TEX36: variants seen among roughly 807,000 people sequenced by gnomAD.
The protein encoded by TEX36 is testis-expressed protein 36.
Under a neutral mutation model 13.6 loss-of-function variants are expected in TEX36, and 12 were observed. The observed-to-expected ratio is 0.88, with a 90% CI of 0.56 to 1.43. The LOEUF is 1.43. Ranked by LOEUF, TEX36 falls within the 40% of genes most tolerant of loss-of-function variation. The pLI is 0.00. For synonymous variants in TEX36, 93 were observed against 83.0 expected, an observed-to-expected ratio of 1.12 and a Z score of -0.65; for missense variants, 224 against 228.3, an observed-to-expected ratio of 0.98 and a Z score of 0.12.
intron 3 of TEX36, among the ~76,000 whole-genome samples, chr10:125,592,359 G>T (rs754872464): frequency 5.9e-5 from 9 of 152,150 alleles, no homozygotes. Context: ...TCTGACCTCC[G>T]TGTAACGACT....
At chr10:125,641,341 GC>G (rs1846689382) in intron 3 of TEX36, among the ~76,000 whole-genome samples, 1 of 152,224 alleles carries the variant, frequency 6.6e-6, no homozygotes, top group African/African-American at 2.4e-5. Context: ...CTAAAAAGAG[GC>G]AGGCATTTAA....
chr10:125,640,418 C>T (rs1013136089), intron 3 of TEX36, among the ~76,000 whole-genome samples: 5 of 152,104 alleles, frequency 3.3e-5, no homozygotes, highest in Admixed American at 1.3e-4. Context: ...TAGTCAAGCG[C>T]GTGAGTTACA....
chr10:125,586,351 A>G (rs572884495), intron 3 of TEX36, among the ~76,000 whole-genome samples: 27 of 152,304 alleles, frequency 1.8e-4, no homozygotes, highest in Admixed American at 5.2e-4. Context: ...AGACACTATT[A>G]TGTATCTTCA....
At chr10:125,663,427 T>G (rs1280761207) in intron 1 of TEX36, among the ~76,000 whole-genome samples, 1 of 152,250 alleles carries the variant, frequency 6.6e-6, no homozygotes, top group African/African-American at 2.4e-5. Context: ...GTAGCATTGC[T>G]GGATCAAATG....
At chr10:125,646,806 C>T (rs575711887) in intron 3 of TEX36, among the ~76,000 whole-genome samples, 42 of 152,020 alleles carry the variant, frequency 2.8e-4, no homozygotes, top group Non-Finnish European at 5.7e-4. Flanking sequence ...AAGTACCATA[C>T]AGACCAATCT....
At chr10:125,651,895 A>G (rs1846865547), downstream of TEX36, among the ~76,000 whole-genome samples, 1 of 152,258 alleles carries the variant, frequency 6.6e-6, no homozygotes, top group Non-Finnish European at 1.5e-5. Flanking sequence ...CCCATTCACA[A>G]TTGCTTCAAA....
At chr10:125,630,803 G>C (rs1387797926) in intron 3 of TEX36, among the ~76,000 whole-genome samples, 1 of 152,172 alleles carries the variant, frequency 6.6e-6, no homozygotes, top group African/African-American at 2.4e-5. Context: ...ATGTCTCCAG[G>C]AAGATGATCA....
intron 3 of TEX36, among the ~76,000 whole-genome samples, chr10:125,612,674 G>T (rs190766527): frequency 6.6e-6 from 1 of 151,844 alleles, no homozygotes; most frequent in African/African-American, 2.4e-5. Context: ...GTAATCCCCC[G>T]GGCTTTATAA....
intron 1 of TEX36, among the ~76,000 whole-genome samples, chr10:125,682,023 T>G (rs1193634599): frequency 6.6e-6 from 1 of 152,250 alleles, no homozygotes; most frequent in Non-Finnish European, 1.5e-5. Flanking sequence ...TAACAATTTT[T>G]TACCTGTTGC....
chr10:125,597,276 T>C (rs1316398840), intron 3 of TEX36, among the ~76,000 whole-genome samples: 7 of 152,184 alleles, frequency 4.6e-5, no homozygotes, highest in East Asian at 3.9e-4. Context: ...GTTCCACCCA[T>C]TGGGGTTCCT....
chr10:125,583,647 C>G lies in TEX36; in HGVS notation c.265-6773G>C, dbSNP rs553170988. Among the ~76,000 whole-genome samples the G allele has an allele frequency of 5.3e-5, 8 of 152,286 alleles. No homozygotes were observed. In the South Asian group the frequency reaches 1.7e-3, roughly 32 times the overall value. On this transcript the variant is annotated intron_variant, in intron 3 of 3. Transcript: ENST00000532135. ...ACTCAGACTCTAGCAAAAAGCCCAT[C>G]TATTTTGGTTAAAAATATCAGCTGT...
At chr10:125,660,978 T>G in intron 3 of TEX36, 43 bp downstream of exon 3, 1 of 1,483,158 alleles carries the variant, frequency 6.7e-7, no homozygotes, top group South Asian at 1.2e-5. Context: ...AGATCCCTTG[T>G]GTTGTTCCCT....
chr10:125,674,961 C>T (rs1199254694), intron 1 of TEX36, among the ~76,000 whole-genome samples: 2 of 152,254 alleles, frequency 1.3e-5, no homozygotes, highest in African/African-American at 4.8e-5. Context: ...GTGCATTGAG[C>T]TGGGGGAATC....
rs559958184 is a variant in TEX36 at position 125,604,585 on chromosome 10, G to A, written c.265-27711C>T. On this transcript the variant is annotated intron_variant, in intron 3 of 3. Transcript: ENST00000532135. ...TCCCAGCACTTTGGGAGGCCGAGGC[G>A]GGCAGATCACAAGGTCAAGAGATTG... is the stretch of plus-strand genomic sequence containing the variant. 2.4e-4 allele frequency among the ~76,000 whole-genome samples: 36 copies of A among 152,210 alleles called. No homozygotes were observed. In the East Asian group the frequency reaches 3.3e-3, roughly 14 times the overall value.
chr10:125,595,461 T>A (rs1196531592), intron 3 of TEX36, among the ~76,000 whole-genome samples: 2 of 152,164 alleles, frequency 1.3e-5, no homozygotes, highest in Non-Finnish European at 2.9e-5. Flanking sequence ...GCCCAATTAG[T>A]TTTTCTCCTC....
At chr10:125,599,775 C>T (rs4962476) in intron 3 of TEX36, among the ~76,000 whole-genome samples, 3 of 152,090 alleles carry the variant, frequency 2.0e-5, no homozygotes, top group Non-Finnish European at 2.9e-5. Context: ...TTTCTGAATG[C>T]GCAATGGTCA....
At chr10:125,606,927 T>C (rs1200457809) in intron 3 of TEX36, among the ~76,000 whole-genome samples, 6 of 152,236 alleles carry the variant, frequency 3.9e-5, no homozygotes, top group African/African-American at 9.6e-5. Flanking sequence ...ATCACATTTT[T>C]CTGTAGCAAC....
At chr10:125,637,832 C>T (rs772940589) in intron 3 of TEX36, among the ~76,000 whole-genome samples, 16 of 152,076 alleles carry the variant, frequency 1.1e-4, no homozygotes, top group Non-Finnish European at 1.8e-4. Flanking sequence ...ATTTCCACTT[C>T]GCATTCTTCA....
chr10:125,671,480 C>G (rs1021652543), intron 1 of TEX36, among the ~76,000 whole-genome samples: 1 of 152,184 alleles, frequency 6.6e-6, no homozygotes, highest in African/African-American at 2.4e-5. Flanking sequence ...GGGGATGAAG[C>G]TGACTTGATC....
Sources: gnomAD v4.1 joint callset for allele counts (sites outside exome capture counted in the v4.1 genomes callset) on GRCh38, gnomAD v4.1.1 for gene constraint, MANE v1.5 for transcripts, NCBI Gene and HGNC (gene_info 2026-07-23, HGNC 2026-07-21) for gene names.